Variants in SLC12A2 observed in about 807,000 individuals in gnomAD.
SLC12A2 encodes the protein solute carrier family 12 member 2, also known as Na-K-2Cl cotransporter 1.
A neutral mutation model predicts 136.3 loss-of-function variants in SLC12A2; 67 were observed. That is an observed-to-expected ratio of 0.49 (90% confidence interval 0.40 to 0.60). The LOEUF (loss-of-function observed/expected upper bound fraction) is 0.60, where lower values mean the gene tolerates loss of function less well. SLC12A2 is among the 20% of genes least tolerant of loss of function. The pLI is 0.00. For missense variants in SLC12A2, 1,322 were observed against 1,534.7 expected (o/e 0.86, Z 2.32); for synonymous variants, 619 against 562.9 (o/e 1.10, Z -1.41).
At position 128,113,986 on chromosome 5, in the gene SLC12A2, A is replaced by G. The variant is rs556866302; in HGVS notation, c.877-226A>G. Among the ~76,000 whole-genome samples the G allele has an allele frequency of 2.0e-5, 3 of 152,268 alleles. No homozygotes were observed. The South Asian group carries it at 6.2e-4, about 32-fold the overall frequency. On this transcript the variant is annotated intron_variant, in intron 2 of 26. Coordinates refer to ENST00000262461, the MANE Select transcript of SLC12A2 (RefSeq NM_001046.3). ...AATTGTGATGAGTGCATTTATTTTCATACACACTTTTATATGTTACATTGT... is the reference window on the plus strand; with the variant it reads ...AATTGTGATGAGTGCATTTATTTTCGTACACACTTTTATATGTTACATTGT...
At chr5:128,092,509 A>G (rs1251446703) in intron 1 of SLC12A2, among the ~76,000 whole-genome samples, 3 of 152,226 alleles carry the variant, frequency 2.0e-5, no homozygotes, top group Admixed American at 1.3e-4. Context: ...TAGAAATATA[A>G]TATGAACTAC....
intron 1 of SLC12A2, among the ~76,000 whole-genome samples, chr5:128,097,780 A>T (rs535671726): frequency 6.6e-6 from 1 of 152,214 alleles, no homozygotes; most frequent in South Asian, 2.1e-4. Context: ...TAAAAGAAAA[A>T]TATGTATGGT....
intron 10 of SLC12A2, among the ~76,000 whole-genome samples, chr5:128,142,536 A>T (rs1762404880): frequency 6.6e-6 from 1 of 152,228 alleles, no homozygotes; most frequent in Non-Finnish European, 1.5e-5. Flanking sequence ...TGTAATATAT[A>T]TATATATATT....
Position 128,085,346 on chromosome 5 carries a change from TA to T in SLC12A2, c.756+645del, listed in dbSNP as rs200675736. On this transcript the variant is annotated intron_variant, in intron 1 of 26. Transcript: ENST00000262461. ...AAACGTTTTGGGAGAGGTGTATATT[TA>T]AAAAAAAAGGGACAGAGGCGAGTCT... Among the ~76,000 whole-genome samples, 662 of 150,282 alleles carry T rather than the reference TA, an allele frequency of 4.4e-3. 4 individuals carry two copies. The highest frequency in any genetic ancestry group is 0.015 in the African/African-American group (611 of 40,974).
chr5:128,151,434 A>G, intron 14 of SLC12A2, 38 bp downstream of exon 14: 1 of 1,565,730 alleles, frequency 6.4e-7, no homozygotes, highest in South Asian at 1.2e-5. Context: ...AAGCTAGAAA[A>G]CATCTAGAAG....
intron 1 of SLC12A2, among the ~76,000 whole-genome samples, chr5:128,087,826 G>T (rs201344009): frequency 6.6e-6 from 1 of 152,126 alleles, no homozygotes; most frequent in East Asian, 1.9e-4. Context: ...GAGTGAGAAA[G>T]AAGCTGACTT....
chr5:128,126,994 A>C, intron 4 of SLC12A2, among the ~76,000 whole-genome samples: 1 of 57,548 alleles, frequency 1.7e-5, no homozygotes, highest in Non-Finnish European at 3.3e-5. Context: ...TTTTGCATCT[A>C]AAACAACCTA....
At chr5:128,142,237 G>C (rs1365705790) in intron 10 of SLC12A2, among the ~76,000 whole-genome samples, 1 of 152,088 alleles carries the variant, frequency 6.6e-6, no homozygotes, top group Admixed American at 6.6e-5. Context: ...CGCGTAGCTG[G>C]GACTATAGGC....
chr5:128,138,897 C>T lies in SLC12A2; in HGVS notation c.1610C>T (p.Ala537Val). The change falls in exon 9 of 27, where the codon GCA becomes GTA. Residue 537 changes from alanine (A) to valine (V), a missense_variant. Ala to Val is a moderately conservative substitution (Grantham distance 64). Transcript: ENST00000262461. ...LITTLVYVGIAVSVGSCVVRD... is the reference protein window; with the variant it reads ...LITTLVYVGIVVSVGSCVVRD... ...ACTACATTGGTTTACGTAGGAATTG[C>T]AGTATCTGTAGGTAAATAGTTTCAC... The T allele has an allele frequency of 6.2e-7, 1 of 1,608,176 alleles. No homozygotes were observed. The highest frequency in any genetic ancestry group is 8.5e-7 in the Non-Finnish European group (1 of 1,174,996).
At chr5:128,111,644 A>G (rs1390146837) in intron 1 of SLC12A2, among the ~76,000 whole-genome samples, 1 of 151,836 alleles carries the variant, frequency 6.6e-6, no homozygotes, top group Non-Finnish European at 1.5e-5. Flanking sequence ...GGGCGCCTGT[A>G]GTCCCAGCTA....
intron 1 of SLC12A2, among the ~76,000 whole-genome samples, chr5:128,089,083 G>A (rs532390481): frequency 2.9e-4 from 44 of 151,430 alleles, no homozygotes; most frequent in African/African-American, 9.0e-4. Context: ...CAGGAGAATT[G>A]CTTGAACCCA....
At position 128,174,647 on chromosome 5, in the gene SLC12A2, A is replaced by G; in HGVS notation, c.2910A>G (p.Glu970=). 3 of 1,599,306 alleles carry G rather than the reference A, an allele frequency of 1.9e-6. No homozygotes were observed. The East Asian group carries it at 6.8e-5, about 36-fold the overall frequency. The change falls in exon 20 of 27, where the codon GAA becomes GAG. Residue 970 remains glutamate, a synonymous_variant. Coordinates refer to ENST00000262461, the MANE Select transcript of SLC12A2 (RefSeq NM_001046.3). ...TAGATACTTCCAAACCACTCAGTGA[A>G]AAACCAATTACACACAAAGGTAATT... ...SDLDTSKPLS[E]KPITHKVEEE...
intron 4 of SLC12A2, among the ~76,000 whole-genome samples, chr5:128,129,294 A>G (rs1761929864): frequency 1.3e-5 from 2 of 152,244 alleles, no homozygotes; most frequent in South Asian, 4.1e-4. Flanking sequence ...GCTGATAATT[A>G]TACTATTGTA....
chr5:128,182,544 A>G (rs1285624956), intron 23 of SLC12A2, among the ~76,000 whole-genome samples: 1 of 152,156 alleles, frequency 6.6e-6, no homozygotes, highest in Non-Finnish European at 1.5e-5. Flanking sequence ...GTACTTATCA[A>G]TATAGTTTGA....
intron 19 of SLC12A2, among the ~76,000 whole-genome samples, chr5:128,173,970 G>T (rs558588210): frequency 3.3e-4 from 50 of 152,220 alleles, no homozygotes; most frequent in South Asian, 8.3e-4. Flanking sequence ...TATAGAGTGG[G>T]TAGAGTTTTT....
intron 11 of SLC12A2, among the ~76,000 whole-genome samples, chr5:128,148,196 CT>C (rs1344104381): frequency 6.6e-6 from 1 of 151,614 alleles, no homozygotes; most frequent in African/African-American, 2.4e-5. Context: ...ACATTATCTC[CT>C]TTTAGTGAAC....
At chr5:128,159,192 A>T (rs1021294180) in intron 16 of SLC12A2, among the ~76,000 whole-genome samples, 1 of 152,024 alleles carries the variant, frequency 6.6e-6, no homozygotes, top group African/African-American at 2.4e-5. Flanking sequence ...GTAGAAATTC[A>T]CTGTTATTTT....
chr5:128,167,604 A>G (rs1219608622), intron 17 of SLC12A2, among the ~76,000 whole-genome samples, 157 bp from the exon 18 acceptor site: 1 of 152,150 alleles, frequency 6.6e-6, no homozygotes, highest in African/African-American at 2.4e-5. Flanking sequence ...ATGGAATAGT[A>G]TATGTAATTT....
intron 24 of SLC12A2, 70 bp from the exon 25 acceptor site, chr5:128,184,296 A>C (rs1311722476): frequency 1.0e-6 from 1 of 1,000,946 alleles, no homozygotes; most frequent in Admixed American, 2.8e-5. Context: ...TTACAATTTA[A>C]TATTTAAGAT....
Sources: gnomAD v4.1 joint callset for allele counts (sites outside exome capture counted in the v4.1 genomes callset) on GRCh38, gnomAD v4.1.1 for gene constraint, MANE v1.5 for transcripts, NCBI Gene and HGNC (gene_info 2026-07-23, HGNC 2026-07-21) for gene names.